Variants in R3HDM2 observed in about 807,000 individuals in gnomAD.
The protein encoded by R3HDM2 is R3H domain containing 2.
A neutral mutation model predicts 124.5 loss-of-function variants in R3HDM2; 38 were observed. The ratio of observed to expected loss-of-function variants is 0.31; its 90% CI spans 0.24 to 0.40. The LOEUF is 0.40. R3HDM2 is among the 10% of genes least tolerant of loss of function. R3HDM2 has a pLI of 1.00. For synonymous variants in R3HDM2, 391 were observed against 448.0 expected, an observed-to-expected ratio of 0.87 and a Z score of 1.61; for missense variants, 869 against 1,236.9, an observed-to-expected ratio of 0.70 and a Z score of 4.46.
intron 2 of R3HDM2, among the ~76,000 whole-genome samples, chr12:57,371,215 C>T (rs564053601): frequency 9.4e-5 from 14 of 148,362 alleles, no homozygotes; most frequent in Admixed American, 2.1e-4. Flanking sequence ...CCTTTTTCTG[C>T]CTACAGTAAC....
chr12:57,276,287 G>A (rs1248096541), intron 14 of R3HDM2, among the ~76,000 whole-genome samples: 1 of 151,112 alleles, frequency 6.6e-6, no homozygotes, highest in Non-Finnish European at 1.5e-5. Flanking sequence ...TCTACCCAGA[G>A]GAAAAAAAGT....
intron 2 of R3HDM2, among the ~76,000 whole-genome samples, chr12:57,335,532 A>G (rs1227792270): frequency 1.8e-5 from 2 of 108,336 alleles, no homozygotes; most frequent in Non-Finnish European, 3.6e-5. Context: ...GCATCTTGCT[A>G]TGTTGCCCAT....
At chr12:57,400,902 T>C (rs1019989018) in intron 1 of R3HDM2, among the ~76,000 whole-genome samples, 2 of 152,094 alleles carry the variant, frequency 1.3e-5, no homozygotes, top group African/African-American at 4.8e-5. Context: ...ATTACGGTAA[T>C]CTGAAAAATA....
At position 57,269,424 on chromosome 12, in the gene R3HDM2, C is replaced by T. The variant is rs767608160; in HGVS notation, c.1613G>A (p.Gly538Glu). Reference protein sequence around the residue: ...QQIQVSYYPPGQYPNSNQQYR... With the variant: ...QQIQVSYYPPEQYPNSNQQYR... ...TTGCTGGTTGGAGTTAGGATATTGT[C>T]CAGGGGGATAGTAAGAAACCTGGAT... The change falls in exon 16 of 24, where the codon GGA becomes GAA. Residue 538 changes from glycine (G) to glutamate (E), a missense_variant. Transcript: ENST00000402412. 6.2e-7 allele frequency: 1 copy of T among 1,613,920 alleles called. No homozygotes were observed.
At position 57,253,825 on chromosome 12, in the gene R3HDM2, CCAAA is replaced by C. The variant is rs550540889; in HGVS notation, c.*944_*947del. The C allele has an allele frequency of 3.4e-4, 62 of 180,320 alleles. No homozygotes were observed. Among genetic ancestry groups the C allele is most frequent in the South Asian group, 1.3e-3 (12 of 9,396 alleles). 11.2% of individuals were successfully genotyped at this position (180,320 alleles called of 1,614,324 possible). ...AAACCAACCTCCCCCCAAATAACCCCCAAACAAACAAAAAAACAGATTAAATAAA... is the reference window on the plus strand; with the variant it reads ...AAACCAACCTCCCCCCAAATAACCCCCAAACAAAAAAACAGATTAAATAAA... On this transcript the variant is annotated 3_prime_UTR_variant, in exon 24 of 24. Coordinates refer to ENST00000402412, the MANE Select transcript of R3HDM2 (RefSeq NM_001394031.1).
At chr12:57,422,620 C>T (rs1445148659) in intron 1 of R3HDM2, among the ~76,000 whole-genome samples, 1 of 152,098 alleles carries the variant, frequency 6.6e-6, no homozygotes, top group South Asian at 2.1e-4. Context: ...GATACATATG[C>T]CACTAGGTTT....
At chr12:57,403,474 A>G (rs1404697465) in intron 1 of R3HDM2, among the ~76,000 whole-genome samples, 1 of 150,688 alleles carries the variant, frequency 6.6e-6, no homozygotes, top group African/African-American at 2.4e-5. Flanking sequence ...CCTGGGTGAC[A>G]AGAGCGAAAC....
chr12:57,345,702 C>T (rs1018930549), intron 2 of R3HDM2, among the ~76,000 whole-genome samples: 2 of 152,054 alleles, frequency 1.3e-5, no homozygotes, highest in African/African-American at 4.8e-5. Flanking sequence ...CCCCATGCCC[C>T]CTAATCTATA....
intron 2 of R3HDM2, 26 bp from the exon 3 acceptor site, chr12:57,310,489 C>G: frequency 7.7e-7 from 1 of 1,306,698 alleles, no homozygotes; most frequent in Non-Finnish European, 1.0e-6. Context: ...ATGCATTAAG[C>G]AGGAGGTATG....
intron 2 of R3HDM2, among the ~76,000 whole-genome samples, chr12:57,356,695 C>T (rs1336407740): frequency 6.6e-6 from 1 of 152,166 alleles, no homozygotes; most frequent in Admixed American, 6.5e-5. Flanking sequence ...AGCCATTTGA[C>T]CCTGTGGGTG....
intron 1 of R3HDM2, among the ~76,000 whole-genome samples, chr12:57,403,262 G>A (rs2068212284): frequency 6.6e-6 from 1 of 152,158 alleles, no homozygotes; most frequent in Admixed American, 6.6e-5. Context: ...GGGAGGCCGA[G>A]GTAGGTGGAT....
In R3HDM2 at chr12:57,365,194, G is replaced by T. The variant is rs187875070; in HGVS notation, c.-36+30555C>A. Among the ~76,000 whole-genome samples, 15 of 151,270 alleles carry T rather than the reference G, an allele frequency of 9.9e-5. No homozygotes were observed. In the East Asian group the frequency reaches 2.3e-3, roughly 24 times the overall value. Reference sequence around the variant, plus strand: ...CAGGAGAATCGCTTGAACCCATGAAGTGGAGGTTGCAGTGAGCCGAGATCA... The same window carrying T: ...CAGGAGAATCGCTTGAACCCATGAATTGGAGGTTGCAGTGAGCCGAGATCA... On this transcript the variant is annotated intron_variant, in intron 2 of 23. Coordinates refer to ENST00000402412, the MANE Select transcript of R3HDM2 (RefSeq NM_001394031.1).
chr12:57,375,597 T>C (rs576125469), intron 2 of R3HDM2, among the ~76,000 whole-genome samples: 1 of 152,212 alleles, frequency 6.6e-6, no homozygotes, highest in South Asian at 2.1e-4. Context: ...AATACTAAAC[T>C]GTATTTTCAA....
At chr12:57,262,572 A>G (rs1203661063) in intron 19 of R3HDM2, among the ~76,000 whole-genome samples, 3 of 152,256 alleles carry the variant, frequency 2.0e-5, no homozygotes, top group African/African-American at 7.2e-5. Flanking sequence ...CAGTTGTTCC[A>G]GGAACAGCTA....
In R3HDM2 at chr12:57,375,718, G is replaced by C. The variant is rs112544829; in HGVS notation, c.-36+20031C>G. Among the ~76,000 whole-genome samples the C allele has an allele frequency of 3.3e-3, 502 of 150,064 alleles. 3 individuals are homozygous for C. Among genetic ancestry groups the C allele is most frequent in the African/African-American group, 0.01 (424 of 40,814 alleles). The stretch of plus-strand genomic sequence containing the variant: ...AGACGGAGTCTTGCTCTGTCGCCAG[G>C]CTGGAGTGCAGCGGTGCAATCTCGG... On this transcript the variant is annotated intron_variant, in intron 2 of 23. Coordinates refer to ENST00000402412, the MANE Select transcript of R3HDM2 (RefSeq NM_001394031.1).
At chr12:57,333,901 G>A (rs1380097985) in intron 2 of R3HDM2, among the ~76,000 whole-genome samples, 1 of 151,842 alleles carries the variant, frequency 6.6e-6, no homozygotes, top group Non-Finnish European at 1.5e-5. Flanking sequence ...AATTAGCCGG[G>A]CGTGGTGGCA....
intron 2 of R3HDM2, among the ~76,000 whole-genome samples, chr12:57,392,963 C>T (rs1450981065): frequency 6.6e-6 from 1 of 151,860 alleles, no homozygotes; most frequent in African/African-American, 2.4e-5. Flanking sequence ...TGCCACCACG[C>T]CCAGCTAATT....
At chr12:57,381,110 A>T (rs2064806787) in intron 2 of R3HDM2, among the ~76,000 whole-genome samples, 1 of 152,058 alleles carries the variant, frequency 6.6e-6, no homozygotes. Flanking sequence ...GCACACCTGT[A>T]ATCCCTGCTA....
chr12:57,291,620 C>T (rs2138370206), intron 11 of R3HDM2, among the ~76,000 whole-genome samples: 1 of 150,484 alleles, frequency 6.6e-6, no homozygotes, highest in South Asian at 2.1e-4. Context: ...TGCCATTGCA[C>T]TGCAGCCTGG....
Sources: gnomAD v4.1 joint callset for allele counts (sites outside exome capture counted in the v4.1 genomes callset) on GRCh38, gnomAD v4.1.1 for gene constraint, MANE v1.5 for transcripts, NCBI Gene and HGNC (gene_info 2026-07-23, HGNC 2026-07-21) for gene names.